The following ELP1 variants were observed in gnomAD, a reference collection of about 807,000 sequenced individuals.
ELP1 encodes the protein elongator acetyltransferase complex subunit 1.
Under a neutral mutation model 183.2 loss-of-function variants are expected in ELP1, and 131 were observed. The ratio of observed to expected loss-of-function variants is 0.72; its 90% CI spans 0.62 to 0.83. ELP1 has a LOEUF of 0.83. Among genes scored for constraint, ELP1 ranks in the 40% least tolerant of loss-of-function variants. The probability of loss-of-function intolerance (pLI) is 0.00; values close to 1 mark genes in which losing one functional copy is unlikely to be tolerated. For missense variants in ELP1, 1,550 were observed against 1,594.9 expected, an observed-to-expected ratio of 0.97 and a Z score of 0.48; for synonymous variants, 555 against 569.0, an observed-to-expected ratio of 0.98 and a Z score of 0.35.
chr9:108,917,741 G>GT (rs947298888), intron 8 of ELP1, 71 bp from the exon 9 acceptor site: 42 of 1,526,314 alleles, frequency 2.8e-5, no homozygotes, highest in Admixed American at 5.0e-5. Flanking sequence ...ATCCAGAAGA[G>GT]TTTTTTTTCC....
At chr9:108,875,997 G>C (rs1220328702) in intron 35 of ELP1, among the ~76,000 whole-genome samples, 1 of 152,172 alleles carries the variant, frequency 6.6e-6, no homozygotes, top group East Asian at 1.9e-4. Context: ...TTCAAGCCGG[G>C]CATGGTGGCT....
intron 10 of ELP1, among the ~76,000 whole-genome samples, chr9:108,915,663 C>T (rs943013844): frequency 4.0e-5 from 6 of 151,712 alleles, no homozygotes; most frequent in African/African-American, 1.5e-4. Flanking sequence ...CTCCCTCCCG[C>T]CCCACCCTAT....
intron 29 of ELP1, among the ~76,000 whole-genome samples, chr9:108,887,108 C>A (rs1828153972): frequency 6.6e-6 from 1 of 152,038 alleles, no homozygotes; most frequent in African/African-American, 2.4e-5. Flanking sequence ...ACTCAGGAGG[C>A]TGAGGTGGGA....
chr9:108,916,071 A>T (rs1427406153), intron 10 of ELP1, 133 bp downstream of exon 10: 1 of 769,348 alleles, frequency 1.3e-6, no homozygotes, highest in East Asian at 2.5e-5. Flanking sequence ...AACCACCCCC[A>T]TTTCCACCTA....
chr9:108,911,627 TA>T (rs1829227115), intron 11 of ELP1, among the ~76,000 whole-genome samples: 1 of 152,204 alleles, frequency 6.6e-6, no homozygotes, highest in South Asian at 2.1e-4. Flanking sequence ...TGTAGAATAT[TA>T]CACAGAATAT....
chr9:108,887,184 G>A (rs983034530), intron 29 of ELP1, among the ~76,000 whole-genome samples: 3 of 152,068 alleles, frequency 2.0e-5, no homozygotes, highest in Non-Finnish European at 4.4e-5. Context: ...ACTCCAGCCT[G>A]GGTGACAGAG....
chr9:108,917,972 T>A (rs1829511204), intron 8 of ELP1, among the ~76,000 whole-genome samples: 1 of 152,122 alleles, frequency 6.6e-6, no homozygotes, highest in African/African-American at 2.4e-5. Flanking sequence ...AAATAATAAG[T>A]TATCTAAACC....
rs928660237 is a variant in ELP1, at chr9:108,868,546, A to G, written c.*569T>C. The stretch of plus-strand genomic sequence containing the variant: ...GTAAAACAGTCCCTATAGACATTGT[A>G]ATTATAGGAGGCTCAGCCCAGTTAT... On this transcript the variant is annotated 3_prime_UTR_variant, in exon 37 of 37. Coordinates refer to ENST00000374647, the MANE Select transcript of ELP1 (RefSeq NM_003640.5). 56 of 432,866 alleles carry G rather than the reference A, an allele frequency of 1.3e-4. No individual in the cohort carries two copies. Among genetic ancestry groups the G allele is most frequent in the Non-Finnish European group, 2.0e-5 (5 of 247,366 alleles). The allele number at this position is 432,866 out of a possible 1,614,324, so 26.8% of individuals were successfully genotyped here. A position where few individuals can be genotyped will look rare whatever the true frequency, so the allele number is the denominator to read the frequency against.
At chr9:108,898,646 A>G (rs765550130) in intron 21 of ELP1, 25 bp downstream of exon 21, 18 of 1,598,498 alleles carry the variant, frequency 1.1e-5, no homozygotes, top group Non-Finnish European at 1.5e-5. Context: ...AGTAAGCTAG[A>G]GTAAATGACA....
chr9:108,884,223 C>T (rs1279823640), intron 29 of ELP1, among the ~76,000 whole-genome samples: 1 of 152,128 alleles, frequency 6.6e-6, no homozygotes. Flanking sequence ...CTATAACATA[C>T]TCATAAACAT....
chr9:108,920,563 T>C (rs917757317), intron 6 of ELP1, among the ~76,000 whole-genome samples: 3 of 152,194 alleles, frequency 2.0e-5, no homozygotes, highest in Non-Finnish European at 2.9e-5. Context: ...ATTGCAGGCA[T>C]CAGCCACTGT....
chr9:108,915,105 C>T (rs759912525), intron 10 of ELP1, among the ~76,000 whole-genome samples: 1 of 152,204 alleles, frequency 6.6e-6, no homozygotes, highest in Non-Finnish European at 1.5e-5. Context: ...TAAAACCACA[C>T]ACTTATACAT....
chr9:108,915,350 T>C (rs1037450208), intron 10 of ELP1, among the ~76,000 whole-genome samples: 1 of 152,224 alleles, frequency 6.6e-6, no homozygotes, highest in Admixed American at 6.5e-5. Context: ...TTAATATTTA[T>C]AATCGGCTGA....
rs536810404 is a variant in ELP1, at chr9:108,884,362, A to G, written c.3223-2175T>C. On this transcript the variant is annotated intron_variant, in intron 29 of 36. Transcript: ENST00000374647. ...GATAGAGCAAGTAGTGAGGAAATCA[A>G]TAAGGATATAAAAAGCTAGAACAGC... 7.1e-4 allele frequency among the ~76,000 whole-genome samples: 108 copies of G among 152,308 alleles called. 3 individuals carry two copies. In the South Asian group the frequency reaches 0.021, roughly 30 times the overall value.
intron 3 of ELP1, among the ~76,000 whole-genome samples, chr9:108,928,369 G>A (rs367800729): frequency 2.0e-5 from 3 of 152,212 alleles, no homozygotes; most frequent in Admixed American, 6.5e-5. Context: ...CAAGATCTCT[G>A]GAAAGCAAAA....
In ELP1 at chr9:108,902,903, C is replaced by A. The variant is rs533780607; in HGVS notation, c.1790G>T (p.Gly597Val). The A allele has an allele frequency of 8.7e-6, 14 of 1,614,016 alleles. No homozygotes were observed. The South Asian group carries it at 1.5e-4, about 18-fold the overall frequency. ...SLAIKPWKNS[G>V]GFPVRFPYPC... ...ATAAGGAAACCGAACAGGAAATCCA[C>A]CAGAGTTCTTCCATGGTTTAATAGC... Residue 597 changes from glycine to valine, a missense_variant, in exon 16 of 37, where the codon GGT becomes GTT. Gly to Val is a moderately radical substitution (Grantham distance 109). Coordinates refer to ENST00000374647, the MANE Select transcript of ELP1 (RefSeq NM_003640.5).
chr9:108,896,725 A>G (rs540456958), intron 24 of ELP1, 81 bp from the exon 25 acceptor site: 1 of 1,396,270 alleles, frequency 7.2e-7, no homozygotes, highest in East Asian at 2.3e-5. Context: ...CCAAAAAGAC[A>G]ATAAATTTTT....
At chr9:108,928,793 A>C (rs1327286404) in intron 3 of ELP1, among the ~76,000 whole-genome samples, 1 of 152,226 alleles carries the variant, frequency 6.6e-6, no homozygotes, top group Non-Finnish European at 1.5e-5. Flanking sequence ...TACGAAAAAA[A>C]AACAAGCTGT....
At chr9:108,897,077 A>C in intron 23 of ELP1, 39 bp from the exon 24 acceptor site, 1 of 1,613,264 alleles carries the variant, frequency 6.2e-7, no homozygotes, top group Non-Finnish European at 8.5e-7. Context: ...TGAGAAAGGT[A>C]AGTAGGCTGG....
Sources: gnomAD v4.1 joint callset for allele counts (sites outside exome capture counted in the v4.1 genomes callset) on GRCh38, gnomAD v4.1.1 for gene constraint, MANE v1.5 for transcripts, NCBI Gene and HGNC (gene_info 2026-07-23, HGNC 2026-07-21) for gene names.